ASTN2: variants seen among roughly 807,000 people sequenced by gnomAD.
ASTN2 encodes astrotactin-2.
Under a neutral mutation model 139.8 loss-of-function variants are expected in ASTN2, and 54 were observed. That is an observed-to-expected ratio of 0.39 (90% CI 0.31 to 0.48). ASTN2 has a LOEUF of 0.48. ASTN2 is among the 20% of genes least tolerant of loss of function. The pLI, the probability that ASTN2 is intolerant of heterozygous loss-of-function variation, is 0.95. For missense variants in ASTN2, 1,565 were observed against 1,725.1 expected (o/e 0.91, Z 1.64); for synonymous variants, 756 against 719.5 (o/e 1.05, Z -0.81).
chr9:117,047,710 C>A (rs1470722084), intron 5 of ASTN2, among the ~76,000 whole-genome samples: 1 of 152,042 alleles, frequency 6.6e-6, no homozygotes, highest in Non-Finnish European at 1.5e-5. Context: ...TTGCCTTGAG[C>A]TTTCTTTCTT....
intron 16 of ASTN2, among the ~76,000 whole-genome samples, chr9:116,705,329 G>A (rs1339660986): frequency 6.6e-6 from 1 of 152,120 alleles, no homozygotes; most frequent in African/African-American, 2.4e-5. Context: ...CCTCATTTTT[G>A]TGATATAAAG....
At chr9:116,543,462 C>T (rs904673283) in intron 19 of ASTN2, among the ~76,000 whole-genome samples, 7 of 151,450 alleles carry the variant, frequency 4.6e-5, no homozygotes, top group South Asian at 2.1e-4. Context: ...AATTGTCAGT[C>T]TAATACACAC....
chr9:116,579,002 GT>G (rs548235647), intron 19 of ASTN2: 8 of 151,952 alleles, frequency 5.3e-5, no homozygotes, highest in Admixed American at 3.9e-4. Flanking sequence ...ACAGGTATTT[GT>G]TCTCAAGAAG....
At chr9:117,257,554 G>T (rs1229539431) in intron 2 of ASTN2, among the ~76,000 whole-genome samples, 4 of 152,154 alleles carry the variant, frequency 2.6e-5, no homozygotes, top group Non-Finnish European at 5.9e-5. Flanking sequence ...AATTGAAGGT[G>T]ACCTCTAGGT....
chr9:117,339,892 AAT>A (rs1829010149), intron 1 of ASTN2, among the ~76,000 whole-genome samples: 1 of 150,542 alleles, frequency 6.6e-6, no homozygotes, highest in Non-Finnish European at 1.5e-5. Context: ...TAAGCCAGGA[AAT>A]AGTCTCTTTT....
chr9:117,027,980 A>C (rs971270116), intron 6 of ASTN2, among the ~76,000 whole-genome samples: 7 of 152,280 alleles, frequency 4.6e-5, no homozygotes, highest in Admixed American at 4.6e-4. Context: ...TCCAAGATCC[A>C]TAATTAGTAA....
At chr9:116,657,940 T>G (rs1024733700) in intron 16 of ASTN2, among the ~76,000 whole-genome samples, 2 of 148,328 alleles carry the variant, frequency 1.3e-5, no homozygotes, top group African/African-American at 2.5e-5. Flanking sequence ...CAGATTGGAG[T>G]GCAGTGGCAC....
intron 1 of ASTN2, among the ~76,000 whole-genome samples, chr9:117,313,674 TC>T (rs1474376977): frequency 1.3e-5 from 2 of 151,914 alleles, no homozygotes; most frequent in East Asian, 3.9e-4. Flanking sequence ...GTCACCAAAC[TC>T]CCCAAGCCAG....
At chr9:117,084,260 C>T (rs1828504640) in intron 5 of ASTN2, among the ~76,000 whole-genome samples, 1 of 152,182 alleles carries the variant, frequency 6.6e-6, no homozygotes, top group Non-Finnish European at 1.5e-5. Context: ...TCCAAACTCC[C>T]AGTTTCTCTG....
chr9:116,994,272 G>A (rs1836948465), intron 7 of ASTN2, among the ~76,000 whole-genome samples: 1 of 152,122 alleles, frequency 6.6e-6, no homozygotes, highest in African/African-American at 2.4e-5. Context: ...GAGCATGGCT[G>A]TGTTTAAATA....
At chr9:116,637,955 T>G (rs1372765719) in intron 17 of ASTN2, among the ~76,000 whole-genome samples, 1 of 152,070 alleles carries the variant, frequency 6.6e-6, no homozygotes. Flanking sequence ...AATACATACA[T>G]ACATAAAGAA....
chr9:116,470,789 G>A (rs149331907), intron 20 of ASTN2, among the ~76,000 whole-genome samples: 1 of 152,252 alleles, frequency 6.6e-6, no homozygotes, highest in African/African-American at 2.4e-5. Flanking sequence ...AAAGCACCCA[G>A]AACTCATTTG....
intron 7 of ASTN2, among the ~76,000 whole-genome samples, chr9:116,990,673 C>G (rs7862284): frequency 0.058 from 8,791 of 152,304 alleles, 406 homozygotes; most frequent in African/African-American, 0.13. Context: ...CACACTACAG[C>G]CCCCACTTTC....
At chr9:117,134,339 C>CACACACAT (rs1248375154) in intron 4 of ASTN2, among the ~76,000 whole-genome samples, 2 of 139,202 alleles carry the variant, frequency 1.4e-5, no homozygotes, top group Non-Finnish European at 3.0e-5. Flanking sequence ...CACACACACA[C>CACACACAT]GCCTGTGTTC....
chr9:117,160,617 A>T (rs1293787427), intron 3 of ASTN2, among the ~76,000 whole-genome samples: 1 of 151,988 alleles, frequency 6.6e-6, no homozygotes, highest in Non-Finnish European at 1.5e-5. Context: ...TGAGTTTCCA[A>T]ATGTATGCTA....
chr9:117,007,122 T>C (rs1020184510), intron 7 of ASTN2, among the ~76,000 whole-genome samples: 2 of 152,102 alleles, frequency 1.3e-5, no homozygotes, highest in Admixed American at 6.6e-5. Context: ...CCCTCGGATA[T>C]TGACATGGTT....
rs770770986 is a variant in ASTN2, at chr9:117,141,427, T to C, written c.1067A>G (p.Lys356Arg). 3.4e-5 allele frequency: 46 copies of C among 1,367,376 alleles called. 1 individual carries two copies. The South Asian group carries it at 4.1e-4, about 12-fold the overall frequency. 84.7% of individuals were successfully genotyped at this position (1,367,376 alleles called of 1,614,324 possible). A position where few individuals can be genotyped will look rare whatever the true frequency, so the allele number is the denominator to read the frequency against. ...GGGCGTGTTAGCGCGGAAACTCTCCTTGAACTTCTGCATCAGGGACTCCAC... is the reference window on the plus strand; with the variant it reads ...GGGCGTGTTAGCGCGGAAACTCTCCCTGAACTTCTGCATCAGGGACTCCAC... ...ETVESLMQKF[K>R]ESFRANTPIE... The change falls in exon 4 of 23, where the codon AAG becomes AGG. Residue 356 changes from lysine to arginine, a missense_variant. Around this residue, in one of 4 missense-constraint regions of ASTN2, gnomAD observed 596 missense variants for 576.8 expected, o/e 1.03. Coordinates refer to ENST00000313400, the MANE Select transcript of ASTN2 (RefSeq NM_001365068.1).
intron 16 of ASTN2, chr9:116,697,642 T>C: frequency 7.0e-7 from 1 of 1,426,750 alleles, no homozygotes; most frequent in Non-Finnish European, 9.7e-7. Flanking sequence ...AAATGAATAA[T>C]GGTTTCTTTT....
intron 11 of ASTN2, among the ~76,000 whole-genome samples, chr9:116,829,491 T>C (rs908587689): frequency 2.0e-5 from 3 of 152,028 alleles, no homozygotes; most frequent in African/African-American, 2.4e-5. Context: ...AAAAGAGGTT[T>C]AATTGGCTTA....
Sources: allele counts gnomAD v4.1 joint callset (sites outside exome capture counted in the v4.1 genomes callset), GRCh38; gene constraint gnomAD v4.1.1; regional missense constraint gnomAD v4.1.1; transcripts MANE v1.5; gene names NCBI Gene and HGNC (gene_info 2026-07-23, HGNC 2026-07-21).